Variants in PCDHA4 observed in about 807,000 individuals in gnomAD.
The protein encoded by PCDHA4 is protocadherin alpha-4.
A neutral mutation model predicts 61.4 loss-of-function variants in PCDHA4; 49 were observed. The ratio of observed to expected loss-of-function variants is 0.80; its 90% CI spans 0.63 to 1.01. The LOEUF (loss-of-function observed/expected upper bound fraction) is 1.01. Ranked by LOEUF, PCDHA4 falls within the 50% of genes least tolerant of loss-of-function variation. The pLI, the probability that PCDHA4 is intolerant of heterozygous loss-of-function variation, is 0.00. For missense variants in PCDHA4, 1,254 were observed against 1,235.8 expected (o/e 1.01, Z -0.22); for synonymous variants, 590 against 550.3 (o/e 1.07, Z -1.01).
chr5:141,005,797 A>G (rs1444669955), intron 3 of PCDHA4, among the ~76,000 whole-genome samples: 2 of 150,756 alleles, frequency 1.3e-5, no homozygotes, highest in East Asian at 1.9e-4. Context: ...GGCAAAAACA[A>G]CTCCAAGGAG....
At position 140,807,395 on chromosome 5, in the gene PCDHA4, G is replaced by A. The variant is rs3822354; in HGVS notation, c.208G>A (p.Gly70Ser). 377,068 of 984,498 alleles carry A rather than the reference G, an allele frequency of 0.38. 146,379 individuals carry two copies. The highest frequency in any genetic ancestry group is 0.45 in the South Asian group (24,345 of 53,696). The allele number at this position is 984,498 out of a possible 1,614,324, so 61.0% of individuals were successfully genotyped here. A position where few individuals can be genotyped will look rare whatever the true frequency, so the allele number is the denominator to read the frequency against. The change falls in exon 1 of 4, where the codon GGC becomes AGC. Residue 70 changes from glycine to serine, a missense_variant. Gly to Ser is a moderately conservative substitution (Grantham distance 56). Transcript: ENST00000530339. ...VPRLFRVASKGRGGLLEVNLQ... is the reference protein window; with the variant it reads ...VPRLFRVASKSRGGLLEVNLQ... Reference sequence around the variant, plus strand: ...GCGCCTGTTCCGGGTGGCGTCCAAGGGCCGCGGAGGCCTTCTGGAGGTAAA... The same window carrying A: ...GCGCCTGTTCCGGGTGGCGTCCAAGAGCCGCGGAGGCCTTCTGGAGGTAAA...
chr5:140,876,961 C>G (rs782051302), intron 1 of PCDHA4: 16 of 1,613,036 alleles, frequency 9.9e-6, no homozygotes, highest in South Asian at 8.8e-5. Context: ...GCTGGTGGAG[C>G]GGCGGGTGGG....
chr5:140,884,721 T>C, intron 1 of PCDHA4: 1 of 1,464,684 alleles, frequency 6.8e-7, no homozygotes, highest in South Asian at 1.5e-5. Flanking sequence ...TTGCAGTTGT[T>C]TGTTTAAGAC....
intron 1 of PCDHA4, chr5:140,929,420 C>A: frequency 6.7e-7 from 1 of 1,502,700 alleles, no homozygotes; most frequent in Non-Finnish European, 8.9e-7. Context: ...CACAACATTT[C>A]ATCAATTGAA....
At chr5:140,937,798 G>A (rs782138454) in intron 1 of PCDHA4, among the ~76,000 whole-genome samples, 1 of 151,676 alleles carries the variant, frequency 6.6e-6, no homozygotes, top group African/African-American at 2.4e-5. Flanking sequence ...TGTAGTCCCA[G>A]CTACTCGGGA....
intron 1 of PCDHA4, chr5:140,860,628 G>A (rs1488931314): frequency 6.6e-6 from 1 of 152,206 alleles, no homozygotes; most frequent in African/African-American, 2.4e-5. Flanking sequence ...ACATATGCAG[G>A]AATCAGGAAC....
chr5:140,842,929 C>T lies in PCDHA4; in HGVS notation c.2385+33357C>T, dbSNP rs2150347942. On this transcript the variant is annotated intron_variant, in intron 1 of 3. Coordinates refer to ENST00000530339, the MANE Select transcript of PCDHA4 (RefSeq NM_018907.4). ...TAGAGCTGCTGCAGTTCCAGGTGAG[C>T]GCGCGCGACGCGGGCGTGCCGCCTC... 1.0e-5 allele frequency: 16 copies of T among 1,594,270 alleles called. 1 individual carries two copies. Among genetic ancestry groups the T allele is most frequent in the African/African-American group, 8.1e-5 (6 of 74,356 alleles).
intron 1 of PCDHA4, among the ~76,000 whole-genome samples, chr5:140,886,751 G>A (rs1156754601): frequency 2.0e-5 from 3 of 151,312 alleles, no homozygotes; most frequent in African/African-American, 7.3e-5. Context: ...GCTTGAACCC[G>A]GGAGGTGGAG....
chr5:140,967,935 A>G (rs186453952), intron 1 of PCDHA4: 13 of 1,614,214 alleles, frequency 8.1e-6, no homozygotes, highest in South Asian at 4.4e-5. Flanking sequence ...CTCAGTGTCA[A>G]TGACCAAGAC....
chr5:140,923,774 G>T (rs1447078559), intron 1 of PCDHA4, among the ~76,000 whole-genome samples: 1 of 152,202 alleles, frequency 6.6e-6, no homozygotes, highest in Non-Finnish European at 1.5e-5. Flanking sequence ...CTACTGGGTG[G>T]ATGGTTTCTT....
intron 1 of PCDHA4, chr5:140,824,095 A>G (rs2150132128): frequency 6.2e-7 from 1 of 1,614,170 alleles, no homozygotes; most frequent in Non-Finnish European, 8.5e-7. Context: ...CTTCAGTCCA[A>G]GCCTTCCTCA....
At position 140,858,644 on chromosome 5, in the gene PCDHA4, C is replaced by T. The variant is rs1581517400; in HGVS notation, c.2385+49072C>T. ...CCAGTGTGTCAGCCTTTGATTGGTACTTAAATTTTTTTAAATAACAATTTA... is the reference window on the plus strand; with the variant it reads ...CCAGTGTGTCAGCCTTTGATTGGTATTTAAATTTTTTTAAATAACAATTTA... On this transcript the variant is annotated intron_variant, in intron 1 of 3. Coordinates refer to ENST00000530339, the MANE Select transcript of PCDHA4 (RefSeq NM_018907.4). 16 of 921,026 alleles carry T rather than the reference C, an allele frequency of 1.7e-5. 1 individual carries two copies. Among genetic ancestry groups the T allele is most frequent in the African/African-American group, 1.2e-4 (7 of 59,878 alleles). 57.1% of individuals were successfully genotyped at this position (921,026 alleles called of 1,614,324 possible).
chr5:140,883,581 C>A, intron 1 of PCDHA4: 2 of 1,614,018 alleles, frequency 1.2e-6, no homozygotes, highest in Non-Finnish European at 1.7e-6. Flanking sequence ...CTGTGGGCCA[C>A]GGCCAGCGTG....
chr5:140,880,920 A>G (rs1189539222), intron 1 of PCDHA4, among the ~76,000 whole-genome samples: 1 of 152,228 alleles, frequency 6.6e-6, no homozygotes, highest in Non-Finnish European at 1.5e-5. Flanking sequence ...GAGAAATACT[A>G]TGTTAGTAAA....
rs2150440099 is a variant in PCDHA4 at position 140,849,547 on chromosome 5, C to T, written c.2385+39975C>T. The T allele has an allele frequency of 7.5e-5, 120 of 1,598,270 alleles. 12 individuals are homozygous for T. Among genetic ancestry groups the T allele is most frequent in the Non-Finnish European group, 6.2e-5 (72 of 1,167,888 alleles). ...GTAAATGACAATGCTCCACAGTTGA[C>T]TATCAAAACGCTCTCGGTTCCTGTA... On this transcript the variant is annotated intron_variant, in intron 1 of 3. Coordinates refer to ENST00000530339, the MANE Select transcript of PCDHA4 (RefSeq NM_018907.4).
chr5:140,884,198 C>G, intron 1 of PCDHA4: 1 of 1,613,442 alleles, frequency 6.2e-7, no homozygotes, highest in Non-Finnish European at 8.5e-7. Flanking sequence ...GGACGCGCCG[C>G]ACCACCGCCT....
chr5:140,830,020 G>A (rs782361791), intron 1 of PCDHA4: 3 of 1,613,754 alleles, frequency 1.9e-6, no homozygotes, highest in Admixed American at 1.7e-5. Flanking sequence ...CGGACTCTCC[G>A]CGCCACCGGC....
Position 140,856,345 on chromosome 5 carries a change from G to C in PCDHA4, c.2385+46773G>C, listed in dbSNP as rs1347690443. The C allele has an allele frequency of 8.8e-6, 14 of 1,598,640 alleles. 1 individual carries two copies. The highest frequency in any genetic ancestry group is 1.2e-5 in the Non-Finnish European group (14 of 1,168,012). ...GCGAGGAGCTGTGCGGGCGGAGCGT[G>C]GAGTGCAGCATCCACCTGGAGGTGA... is the stretch of plus-strand genomic sequence containing the variant. On this transcript the variant is annotated intron_variant, in intron 1 of 3. Transcript: ENST00000530339.
intron 1 of PCDHA4, chr5:140,930,281 A>G (rs1554207692): frequency 6.6e-6 from 1 of 152,242 alleles, no homozygotes; most frequent in Non-Finnish European, 1.5e-5. Flanking sequence ...TAGGGGACAA[A>G]TACACTTAAC....
Sources: gnomAD v4.1 joint callset for allele counts (sites outside exome capture counted in the v4.1 genomes callset) on GRCh38, gnomAD v4.1.1 for gene constraint, MANE v1.5 for transcripts, NCBI Gene and HGNC (gene_info 2026-07-23, HGNC 2026-07-21) for gene names.